Variants in SCAF4 observed in about 807,000 individuals in gnomAD.
SCAF4 encodes the protein SR-related CTD associated factor 4, also known as SR-related and CTD-associated factor 4.
Under a neutral mutation model 129.8 loss-of-function variants are expected in SCAF4, and 25 were observed. The ratio of observed to expected loss-of-function variants is 0.19; its 90% CI spans 0.14 to 0.27. The LOEUF is 0.27. Ranked by LOEUF, SCAF4 falls within the 10% of genes least tolerant of loss-of-function variation. The pLI is 1.00. For synonymous variants in SCAF4, 551 were observed against 497.7 expected (o/e 1.11, Z -1.43); for missense variants, 1,246 against 1,457.1 (o/e 0.86, Z 2.36).
intron 19 of SCAF4, 88 bp downstream of exon 19, chr21:31,684,961 T>G: frequency 1.6e-6 from 1 of 633,624 alleles, no homozygotes. Flanking sequence ...TTAACATTGT[T>G]TTTTTAAAAA....
At chr21:31,692,803 C>G (rs79638260) in intron 12 of SCAF4, among the ~76,000 whole-genome samples, 1 of 152,202 alleles carries the variant, frequency 6.6e-6, no homozygotes, top group Non-Finnish European at 1.5e-5. Flanking sequence ...TGATTACCAA[C>G]CAGCTCAGTG....
intron 1 of SCAF4, among the ~76,000 whole-genome samples, chr21:31,715,552 T>C (rs933999125): frequency 6.6e-6 from 1 of 152,200 alleles, no homozygotes; most frequent in East Asian, 1.9e-4. Context: ...TTCACCAGAA[T>C]TCCCATCAAA....
At chr21:31,692,963 A>C (rs775861316) in intron 12 of SCAF4, among the ~76,000 whole-genome samples, 130 of 152,234 alleles carry the variant, frequency 8.5e-4, no homozygotes, top group Non-Finnish European at 1.6e-3. Context: ...AGTCATCTTA[A>C]TAGTTACTGA....
At chr21:31,721,653 T>C (rs1005272540) in intron 1 of SCAF4, among the ~76,000 whole-genome samples, 1 of 151,782 alleles carries the variant, frequency 6.6e-6, no homozygotes, top group East Asian at 1.9e-4. Context: ...AGTAAGTGGG[T>C]GAACTATCAA....
intron 1 of SCAF4, among the ~76,000 whole-genome samples, chr21:31,713,701 G>C (rs2050857481): frequency 7.5e-6 from 1 of 132,556 alleles, no homozygotes; most frequent in South Asian, 2.6e-4. Context: ...ATAATGTGTA[G>C]GTTCCTTCAA....
chr21:31,731,297 T>G (rs777546533), intron 1 of SCAF4, among the ~76,000 whole-genome samples: 512 of 152,154 alleles, frequency 3.4e-3, no homozygotes, highest in Non-Finnish European at 6.4e-3. Context: ...CTTTGCGGGC[T>G]CCCGGCACTG....
Position 31,693,274 on chromosome 21 carries a change from G to A in SCAF4, c.1513+20C>T, listed in dbSNP as rs1342334953. 7.0e-7 allele frequency: 1 copy of A among 1,431,268 alleles called. No homozygotes were observed. The highest frequency in any genetic ancestry group is 9.3e-7 in the Non-Finnish European group (1 of 1,073,206). 88.7% of individuals were successfully genotyped at this position (1,431,268 alleles called of 1,614,324 possible). On this transcript the variant is annotated intron_variant, in intron 12 of 19. Coordinates refer to ENST00000286835, the MANE Select transcript of SCAF4 (RefSeq NM_020706.2). Reference sequence around the variant, plus strand: ...CATGAAAAAATAGTACATGAGGTTTGAATATAAAGGTTGAGTTACCACTTG... The same window carrying A: ...CATGAAAAAATAGTACATGAGGTTTAAATATAAAGGTTGAGTTACCACTTG...
At position 31,693,496 on chromosome 21, in the gene SCAF4, A is replaced by T. The variant is rs752981862; in HGVS notation, c.1323-12T>A. The T allele has an allele frequency of 6.8e-7, 1 of 1,462,182 alleles. No individual in the cohort carries two copies. The highest frequency in any genetic ancestry group is 9.2e-7 in the Non-Finnish European group (1 of 1,087,568). The allele number at this position is 1,462,182 out of a possible 1,614,324, so 90.6% of individuals were successfully genotyped here. A position where few individuals can be genotyped will look rare whatever the true frequency, so the allele number is the denominator to read the frequency against. The stretch of plus-strand genomic sequence containing the variant: ...TCCTTTTTGGTGACCTAATGTTTTC[A>T]AGAGAAGGGAGAATGCATAGCATAT... On this transcript the variant is annotated splice_polypyrimidine_tract_variant and intron_variant, in intron 11 of 19. Coordinates refer to ENST00000286835, the MANE Select transcript of SCAF4 (RefSeq NM_020706.2).
At chr21:31,722,862 G>A (rs563583193) in intron 1 of SCAF4, among the ~76,000 whole-genome samples, 21 of 152,088 alleles carry the variant, frequency 1.4e-4, no homozygotes, top group Non-Finnish European at 2.9e-4. Flanking sequence ...CTGAGGCAAG[G>A]AAACCGCTTG....
Position 31,671,805 on chromosome 21 carries a change from C to T in SCAF4, c.3038G>A (p.Arg1013Gln), listed in dbSNP as rs748955433. The T allele has an allele frequency of 8.7e-6, 14 of 1,613,992 alleles. No homozygotes were observed. The highest frequency in any genetic ancestry group is 1.7e-5 in the Admixed American group (1 of 60,028). Reference protein sequence around the residue: ...RSFGNRVENDRERYGNRNDDR... With the variant: ...RSFGNRVENDQERYGNRNDDR... ...ATCATTACGGTTCCCATACCGTTCCCGGTCATTTTCCACCCTATTTCCAAA... is the reference window on the plus strand; with the variant it reads ...ATCATTACGGTTCCCATACCGTTCCTGGTCATTTTCCACCCTATTTCCAAA... The change falls in exon 20 of 20, where the codon CGG becomes CAG. Residue 1013 changes from arginine (R) to glutamine (Q), a missense_variant. Arg to Gln is a conservative substitution (Grantham distance 43). Coordinates refer to ENST00000286835, the MANE Select transcript of SCAF4 (RefSeq NM_020706.2).
chr21:31,685,091 T>A lies in SCAF4; in HGVS notation c.2446A>T (p.Asn816Tyr). 6.2e-7 allele frequency: 1 copy of A among 1,612,942 alleles called. No homozygotes were observed. Among genetic ancestry groups the A allele is most frequent in the Non-Finnish European group, 8.5e-7 (1 of 1,179,858 alleles). Residue 816 changes from asparagine to tyrosine, a missense_variant, in exon 19 of 20, where the codon AAT (asparagine) becomes TAT (tyrosine). Physicochemically the swap from Asn to Tyr is moderately radical, Grantham distance 143 (BLOSUM62 -2). Coordinates refer to ENST00000286835, the MANE Select transcript of SCAF4 (RefSeq NM_020706.2). ...GSAVPPAAPT[N>Y]LPTPPVTQPV... Reference sequence around the variant, plus strand: ...TGGGTTACAGGAGGGGTGGGCAGATTCGTGGGTGCAGCAGGTGGCACGGCA... The same window carrying A: ...TGGGTTACAGGAGGGGTGGGCAGATACGTGGGTGCAGCAGGTGGCACGGCA...
rs1283102592 is a variant in SCAF4, at chr21:31,731,843, C to G, written c.-151G>C. 3 of 871,252 alleles carry G rather than the reference C, an allele frequency of 3.4e-6. No homozygotes were observed. In the East Asian group the frequency reaches 9.9e-5, roughly 29 times the overall value. The allele number at this position is 871,252 out of a possible 1,614,324, so 54.0% of individuals were successfully genotyped here. A position where few individuals can be genotyped will look rare whatever the true frequency, so the allele number is the denominator to read the frequency against. ...GGCCCGGGCAGGAAGAGGCTGCGCC[C>G]GAAGCGGCGAGGCGGGCGGCCGAGG... On this transcript the variant is annotated 5_prime_UTR_variant, in exon 1 of 20. Coordinates refer to ENST00000286835, the MANE Select transcript of SCAF4 (RefSeq NM_020706.2).
At chr21:31,678,686 A>G (rs1176018958) in intron 19 of SCAF4, among the ~76,000 whole-genome samples, 1 of 152,060 alleles carries the variant, frequency 6.6e-6, no homozygotes, top group Non-Finnish European at 1.5e-5. Flanking sequence ...CCCCATCTCA[A>G]TTCAGGCCCC....
chr21:31,731,224 C>G (rs953606026), intron 1 of SCAF4, among the ~76,000 whole-genome samples: 1 of 152,140 alleles, frequency 6.6e-6, no homozygotes, highest in Non-Finnish European at 1.5e-5. Context: ...GCCCCACGAC[C>G]GGCAGATGCT....
At position 31,671,522 on chromosome 21, in the gene SCAF4, T is replaced by C; in HGVS notation, c.3321A>G (p.Ser1107=). The change falls in exon 20 of 20, where the codon TCA becomes TCG. Residue 1107 remains serine (S), a synonymous_variant. Transcript: ENST00000286835. ...CCTCAGACACCCCCTTCTCAAGTTC[T>C]GAAGCAGTGTCTACATTTCCCACTT... ...ISQVGNVDTA[S]ELEKGVSEAA... is the part of the protein sequence containing the mutation. The C allele has an allele frequency of 6.2e-7, 1 of 1,614,220 alleles. No individual in the cohort carries two copies. The highest frequency in any genetic ancestry group is 8.5e-7 in the Non-Finnish European group (1 of 1,180,022).
intron 11 of SCAF4, 78 bp downstream of exon 11, chr21:31,694,126 G>T: frequency 1.3e-6 from 1 of 784,116 alleles, no homozygotes. Flanking sequence ...CTGAATATCT[G>T]AAAATAACCC....
chr21:31,708,460 A>G lies in SCAF4; in HGVS notation c.31-2103T>C, dbSNP rs180729106. On this transcript the variant is annotated intron_variant, in intron 1 of 19. Transcript: ENST00000286835. The stretch of plus-strand genomic sequence containing the variant: ...TATACAAACCAGTAAGAAACAATTT[A>G]ACATATTTCAACTTAAACACAAATT... Among the ~76,000 whole-genome samples the G allele has an allele frequency of 1.1e-3, 173 of 152,320 alleles. 1 individual carries two copies. Among genetic ancestry groups the G allele is most frequent in the Non-Finnish European group, 5.3e-4 (36 of 68,026 alleles).
Position 31,691,672 on chromosome 21 carries a change from T to TAA in SCAF4, c.1728+143_1728+144dup, listed in dbSNP as rs5843527. 2,238 of 280,156 alleles carry TAA rather than the reference T, an allele frequency of 8.0e-3. 1 individual carries two copies. The highest frequency in any genetic ancestry group is 0.018 in the East Asian group (305 of 16,718). 17.4% of individuals were successfully genotyped at this position (280,156 alleles called of 1,614,324 possible). A position where few individuals can be genotyped will look rare whatever the true frequency, so the allele number is the denominator to read the frequency against. On this transcript the variant is annotated intron_variant, in intron 14 of 19. Coordinates refer to ENST00000286835, the MANE Select transcript of SCAF4 (RefSeq NM_020706.2). ...TGGAGTTCTTTTAGGAAATATTCTTTAAAAAAAAAAAAAAAAAAAGATGCA... is the reference window on the plus strand; with the variant it reads ...TGGAGTTCTTTTAGGAAATATTCTTTAAAAAAAAAAAAAAAAAAAAAGATGCA...
At chr21:31,709,152 GAGGCCCAC>G (rs1450438035) in intron 1 of SCAF4, among the ~76,000 whole-genome samples, 1 of 152,136 alleles carries the variant, frequency 6.6e-6, no homozygotes, top group East Asian at 1.9e-4. Context: ...TGTAGAGACT[GAGGCCCAC>G]TGGGCACTGG....
Sources: allele counts gnomAD v4.1 joint callset (sites outside exome capture counted in the v4.1 genomes callset), GRCh38; gene constraint gnomAD v4.1.1; transcripts MANE v1.5; gene names NCBI Gene and HGNC (gene_info 2026-07-23, HGNC 2026-07-21).